TNIP3: variants seen among roughly 807,000 people sequenced by gnomAD.
The protein encoded by TNIP3 is TNFAIP3-interacting protein 3.
TNIP3 carries 34 observed loss-of-function variants against 54.1 expected under a neutral mutation model. The observed-to-expected ratio is 0.63, with a 90% CI of 0.48 to 0.84. The LOEUF (loss-of-function observed/expected upper bound fraction) is 0.84. Among genes scored for constraint, TNIP3 ranks in the 40% least tolerant of loss-of-function variants. The probability of loss-of-function intolerance (pLI) is 0.00; values close to 1 mark genes in which losing one functional copy is unlikely to be tolerated. For synonymous variants in TNIP3, 134 were observed against 136.8 expected (o/e 0.98, Z 0.14); for missense variants, 366 against 387.6 (o/e 0.94, Z 0.47).
chr4:121,212,182 C>CT, intron 2 of TNIP3, among the ~76,000 whole-genome samples: 1 of 152,256 alleles, frequency 6.6e-6, no homozygotes, highest in South Asian at 2.1e-4. Flanking sequence ...CTCTAAATAT[C>CT]TTCTTGGACC....
intron 2 of TNIP3, among the ~76,000 whole-genome samples, chr4:121,183,210 A>C (rs11730435): frequency 5.9e-5 from 9 of 152,224 alleles, no homozygotes; most frequent in Non-Finnish European, 1.2e-4. Flanking sequence ...AGTGAAGTCA[A>C]ACTGAAACAT....
chr4:121,144,629 T>C (rs1200217819), intron 7 of TNIP3, among the ~76,000 whole-genome samples: 2 of 152,230 alleles, frequency 1.3e-5, no homozygotes, highest in East Asian at 1.9e-4. Context: ...CTCAAACTCC[T>C]GATCTCAGGT....
intron 7 of TNIP3, among the ~76,000 whole-genome samples, chr4:121,145,687 A>T (rs1310347493): frequency 6.6e-6 from 1 of 151,082 alleles, no homozygotes; most frequent in African/African-American, 2.4e-5. Context: ...AAGTTGTTTT[A>T]CTTGCTGTTT....
intron 10 of TNIP3, among the ~76,000 whole-genome samples, chr4:121,134,448 A>G (rs1728660968): frequency 6.6e-6 from 1 of 152,364 alleles, no homozygotes; most frequent in Non-Finnish European, 1.5e-5. Context: ...AAACAAGATG[A>G]AAATGTTCTT....
chr4:121,168,048 T>C (rs978406475), upstream of TNIP3, among the ~76,000 whole-genome samples: 21 of 152,166 alleles, frequency 1.4e-4, no homozygotes, highest in African/African-American at 5.1e-4. Flanking sequence ...CATCCTTGAC[T>C]CTTCTTTCTC....
chr4:121,216,849 G>A (rs191122137), upstream of TNIP3, among the ~76,000 whole-genome samples: 20 of 152,290 alleles, frequency 1.3e-4, no homozygotes, highest in Non-Finnish European at 2.4e-4. Context: ...CATGTTTGTA[G>A]TTTAATTAAC....
chr4:121,174,031 G>T (rs952814721), intron 3 of TNIP3, among the ~76,000 whole-genome samples: 7 of 152,178 alleles, frequency 4.6e-5, no homozygotes, highest in African/African-American at 1.7e-4. Context: ...GCACATCTCA[G>T]TTGTGTTTTC....
In TNIP3 at chr4:121,216,422, A is replaced by T. The variant is rs529236278; in HGVS notation, c.61T>A (p.Ser21Thr). 8.5e-6 allele frequency: 13 copies of T among 1,535,454 alleles called. No homozygotes were observed. The South Asian group carries it at 1.5e-4, about 18-fold the overall frequency. The stretch of plus-strand genomic sequence containing the variant: ...CAAATAAACTGTTATTACCTTTCAG[A>T]ATCTTCAGATTGATTGGTGAACATT... The change falls in exon 2 of 13, where the codon TCT becomes ACT. Residue 21 changes from serine to threonine, a missense_variant. By Grantham distance (58) the Ser-to-Thr change is moderately conservative. Coordinates refer to the TNIP3 transcript ENST00000507879.
chr4:121,154,697 A>G lies in TNIP3; in HGVS notation c.364-18T>C, dbSNP rs773453331. 10 of 1,583,786 alleles carry G rather than the reference A, an allele frequency of 6.3e-6. No individual in the cohort carries two copies. Among genetic ancestry groups the G allele is most frequent in the South Asian group, 4.6e-5 (4 of 87,222 alleles). ...TTTTCCTTCTGAAGTTAAGACCAAGAAAAGAAAATAAAAGTCAGTACAAGT... is the reference window on the plus strand; with the variant it reads ...TTTTCCTTCTGAAGTTAAGACCAAGGAAAGAAAATAAAAGTCAGTACAAGT... On this transcript the variant is annotated intron_variant, in intron 4 of 10. Transcript: ENST00000057513.
At chr4:121,210,775 C>A (rs1354213619) in intron 2 of TNIP3, among the ~76,000 whole-genome samples, 1 of 152,140 alleles carries the variant, frequency 6.6e-6, no homozygotes, top group Non-Finnish European at 1.5e-5. Flanking sequence ...AGAGCCCCAC[C>A]CTTATGACTT....
chr4:121,152,689 C>G (rs1050516623), intron 5 of TNIP3, among the ~76,000 whole-genome samples: 1 of 152,134 alleles, frequency 6.6e-6, no homozygotes, highest in Non-Finnish European at 1.5e-5. Flanking sequence ...GCCTGAGTCC[C>G]TCCCTCCCTA....
chr4:121,168,934 T>C (rs1034458569), upstream of TNIP3, among the ~76,000 whole-genome samples: 7 of 152,192 alleles, frequency 4.6e-5, no homozygotes, highest in Non-Finnish European at 8.8e-5. Flanking sequence ...TTATGTGACC[T>C]TGGGCAAGAT....
At chr4:121,178,331 A>C (rs1485324351) in intron 3 of TNIP3, among the ~76,000 whole-genome samples, 1 of 152,236 alleles carries the variant, frequency 6.6e-6, no homozygotes, top group Non-Finnish European at 1.5e-5. Flanking sequence ...GTAGGTGCTC[A>C]ATACACAGCA....
chr4:121,148,700 A>T (rs1729568644), intron 6 of TNIP3, among the ~76,000 whole-genome samples: 1 of 152,236 alleles, frequency 6.6e-6, no homozygotes, highest in Non-Finnish European at 1.5e-5. Flanking sequence ...ATCCAACTTC[A>T]CCATCAAATG....
intron 2 of TNIP3, among the ~76,000 whole-genome samples, chr4:121,186,271 T>C (rs1052068867): frequency 6.6e-6 from 1 of 152,146 alleles, no homozygotes; most frequent in Non-Finnish European, 1.5e-5. Context: ...GCGTCAGTGT[T>C]GACCGCTGTG....
chr4:121,177,721 C>A (rs78774944), intron 3 of TNIP3, among the ~76,000 whole-genome samples: 1 of 152,160 alleles, frequency 6.6e-6, no homozygotes, highest in African/African-American at 2.4e-5. Context: ...TAGAAATTTT[C>A]TTATATTTTT....
At chr4:121,140,068 G>A (rs976919350) in intron 9 of TNIP3, among the ~76,000 whole-genome samples, 1 of 152,068 alleles carries the variant, frequency 6.6e-6, no homozygotes, top group Admixed American at 6.5e-5. Flanking sequence ...AGGCGCAGTG[G>A]CTCATGCCTG....
At chr4:121,186,661 A>G (rs1360479381) in intron 2 of TNIP3, among the ~76,000 whole-genome samples, 1 of 152,228 alleles carries the variant, frequency 6.6e-6, no homozygotes, top group African/African-American at 2.4e-5. Flanking sequence ...AGTGCCAGGC[A>G]TGCCACAGAT....
intron 2 of TNIP3, among the ~76,000 whole-genome samples, chr4:121,212,691 T>C (rs1560696245): frequency 6.6e-6 from 1 of 152,190 alleles, no homozygotes; most frequent in Non-Finnish European, 1.5e-5. Context: ...CAAAACAATA[T>C]GAATGGACGG....
Sources: gnomAD v4.1 joint callset for allele counts (sites outside exome capture counted in the v4.1 genomes callset) on GRCh38, gnomAD v4.1.1 for gene constraint, MANE v1.5 for transcripts, NCBI Gene and HGNC (gene_info 2026-07-23, HGNC 2026-07-21) for gene names.